The following PFKFB3 variants were observed in gnomAD, a reference collection of about 807,000 sequenced individuals.
PFKFB3 encodes the protein 6-phosphofructo-2-kinase/fructose-2,6-bisphosphatase 3.
A neutral mutation model predicts 68.0 loss-of-function variants in PFKFB3; 33 were observed. The ratio of observed to expected loss-of-function variants is 0.49; its 90% CI spans 0.37 to 0.65. The LOEUF (loss-of-function observed/expected upper bound fraction) is 0.65, where lower values mean the gene tolerates loss of function less well. PFKFB3 is among the 30% of genes least tolerant of loss of function. The pLI, the probability that PFKFB3 is intolerant of heterozygous loss-of-function variation, is 0.00. For synonymous variants in PFKFB3, 315 were observed against 288.2 expected (o/e 1.09, Z -0.94); for missense variants, 586 against 712.2 (o/e 0.82, Z 2.02).
chr10:6,267,025 TTGTCA>T, the PFKFB3 span, among the ~76,000 whole-genome samples: 9 of 151,620 alleles, frequency 5.9e-5, no homozygotes, highest in Non-Finnish European at 1.3e-4. Flanking sequence ...CTTTTTTCTC[TTGTCA>T]TGTTGTTTTT....
intron 8 of PFKFB3, among the ~76,000 whole-genome samples, chr10:6,221,135 CTGGTG>C (rs1844929619): frequency 6.6e-6 from 1 of 151,964 alleles, no homozygotes; most frequent in African/African-American, 2.4e-5. Flanking sequence ...ATGTGTGTCT[CTGGTG>C]TGTGTATCTC....
At chr10:6,186,830 T>C (rs1842878969) in intron 1 of PFKFB3, among the ~76,000 whole-genome samples, 1 of 152,034 alleles carries the variant, frequency 6.6e-6, no homozygotes, top group African/African-American at 2.4e-5. Context: ...AAAGGCTATG[T>C]TTTAGAAGGT....
chr10:6,192,366 C>CT (rs149846128), intron 1 of PFKFB3, among the ~76,000 whole-genome samples: 1,588 of 113,036 alleles, frequency 0.014, 22 homozygotes, highest in African/African-American at 0.025. Context: ...TTTCTTTCTT[C>CT]TTTTTTTTTT....
the PFKFB3 span, among the ~76,000 whole-genome samples, chr10:6,301,750 C>T: frequency 6.6e-6 from 1 of 152,190 alleles, no homozygotes; most frequent in East Asian, 1.9e-4. Flanking sequence ...TGAAAGGGAG[C>T]TCTAATTCAT....
At chr10:6,177,592 C>A (rs868364600) in intron 1 of PFKFB3, among the ~76,000 whole-genome samples, 2 of 148,450 alleles carry the variant, frequency 1.3e-5, no homozygotes, top group African/African-American at 5.0e-5. Context: ...ATGGTGCGAT[C>A]TCGGCTCACT....
chr10:6,150,436 C>T (rs1338697182), intron 1 of PFKFB3, among the ~76,000 whole-genome samples: 2 of 152,054 alleles, frequency 1.3e-5, no homozygotes, highest in Non-Finnish European at 2.9e-5. Context: ...CCAGCCTGAC[C>T]AACATGGTGA....
At chr10:6,264,183 G>T in the PFKFB3 span, among the ~76,000 whole-genome samples, 1 of 152,172 alleles carries the variant, frequency 6.6e-6, no homozygotes, top group Non-Finnish European at 1.5e-5. Context: ...TAGAGGGACT[G>T]CTTCTAGATG....
intron 13 of PFKFB3, chr10:6,224,461 A>T: frequency 3.1e-6 from 2 of 635,416 alleles, no homozygotes; most frequent in East Asian, 5.9e-5. Flanking sequence ...AGATATGAAT[A>T]TTAGTGAGGA....
chr10:6,206,541 G>GCTGAC (rs1843714983), intron 1 of PFKFB3, among the ~76,000 whole-genome samples: 1 of 109,360 alleles, frequency 9.1e-6, no homozygotes, highest in Non-Finnish European at 1.8e-5. Flanking sequence ...GGGCAGAGGC[G>GCTGAC]CCCCTCACCT....
chr10:6,174,909 A>G (rs1842419540), intron 1 of PFKFB3, among the ~76,000 whole-genome samples: 1 of 150,962 alleles, frequency 6.6e-6, no homozygotes, highest in Admixed American at 6.6e-5. Context: ...TCCACCTCCC[A>G]GGTTCAAGGG....
rs750229279 is a variant in PFKFB3, at chr10:6,203,227, C to T, written c.-34C>T. On this transcript the variant is annotated 5_prime_UTR_variant, in exon 1 of 15. Transcript: ENST00000379775. ...CTCCTGCCAGCGTCGGGATCTCGGCCCCGGGAGGCGGGCCGTCGGGCGCAG... is the reference window on the plus strand; with the variant it reads ...CTCCTGCCAGCGTCGGGATCTCGGCTCCGGGAGGCGGGCCGTCGGGCGCAG... The T allele has an allele frequency of 6.2e-7, 1 of 1,601,640 alleles. No individual in the cohort carries two copies. The highest frequency in any genetic ancestry group is 1.1e-5 in the South Asian group (1 of 89,198).
intron 1 of PFKFB3, among the ~76,000 whole-genome samples, chr10:6,206,864 C>T (rs554598991): frequency 7.7e-6 from 1 of 129,800 alleles, no homozygotes; most frequent in Non-Finnish European, 1.7e-5. Context: ...CAGAGACGCT[C>T]CTCACTTTCC....
chr10:6,290,544 G>A, the PFKFB3 span, among the ~76,000 whole-genome samples: 1 of 149,372 alleles, frequency 6.7e-6, no homozygotes, highest in African/African-American at 2.5e-5. Flanking sequence ...TATTGCCCAG[G>A]CTGGAGTGCA....
intron 1 of PFKFB3, among the ~76,000 whole-genome samples, chr10:6,166,549 C>G (rs1179461796): frequency 1.3e-5 from 2 of 152,118 alleles, no homozygotes; most frequent in Non-Finnish European, 2.9e-5. Context: ...TTGCCCAGCC[C>G]TGTTGAGCTT....
chr10:6,278,497 G>T, the PFKFB3 span, among the ~76,000 whole-genome samples: 2 of 151,660 alleles, frequency 1.3e-5, no homozygotes, highest in African/African-American at 4.8e-5. Context: ...GGCTGGTCTT[G>T]AACTCCTGAC....
At chr10:6,261,962 A>C in the PFKFB3 span, among the ~76,000 whole-genome samples, 10 of 151,656 alleles carry the variant, frequency 6.6e-5, no homozygotes. Context: ...ATGCCACTGC[A>C]CTCCAGCCTT....
At chr10:6,298,783 C>G in the PFKFB3 span, among the ~76,000 whole-genome samples, 1 of 152,192 alleles carries the variant, frequency 6.6e-6, no homozygotes, top group South Asian at 2.1e-4. Context: ...AGATGGATCT[C>G]TAACGCACCC....
upstream of PFKFB3, among the ~76,000 whole-genome samples, chr10:6,201,428 T>G (rs1263724366): frequency 3.3e-5 from 3 of 90,396 alleles, no homozygotes; most frequent in Non-Finnish European, 6.8e-5. The surrounding 1 kb of genome is among the most constrained non-coding windows in gnomAD (Gnocchi z 4.1). Flanking sequence ...GGGGGCGGGG[T>G]GCCGGAGTGG....
At chr10:6,236,032 G>T (rs1199826079), downstream of PFKFB3, among the ~76,000 whole-genome samples, 1 of 152,148 alleles carries the variant, frequency 6.6e-6, no homozygotes, top group Admixed American at 6.5e-5. Flanking sequence ...TTCCCAAAGT[G>T]CTGGGATTAC....
Sources: gnomAD v4.1 joint callset for allele counts (sites outside exome capture counted in the v4.1 genomes callset) on GRCh38, gnomAD v4.1.1 for gene constraint, Gnocchi (gnomAD v3.1) non-coding constraint, MANE v1.5 for transcripts, NCBI Gene and HGNC (gene_info 2026-07-23, HGNC 2026-07-21) for gene names.